Variants in CDKAL1 observed in about 807,000 individuals in gnomAD.
CDKAL1 encodes the protein CDKAL1 threonylcarbamoyladenosine tRNA methylthiotransferase.
In CDKAL1, 32 loss-of-function variants were observed where a neutral mutation model predicts 68.2. The observed-to-expected ratio is 0.47, with a 90% CI of 0.35 to 0.63. The LOEUF (loss-of-function observed/expected upper bound fraction) is 0.63, where lower values mean the gene tolerates loss of function less well. Among genes scored for constraint, CDKAL1 ranks in the 30% least tolerant of loss-of-function variants. The pLI is 0.00. For missense variants in CDKAL1, 606 were observed against 696.7 expected (o/e 0.87, Z 1.47); for synonymous variants, 234 against 244.3 (o/e 0.96, Z 0.39).
At chr6:20,835,794 C>T (rs1452972731) in intron 8 of CDKAL1, among the ~76,000 whole-genome samples, 2 of 152,126 alleles carry the variant, frequency 1.3e-5, no homozygotes, top group East Asian at 3.8e-4. Context: ...AAGTGATCCA[C>T]CTGCCTCGGC....
At chr6:21,017,667 A>C (rs1768419572) in intron 11 of CDKAL1, among the ~76,000 whole-genome samples, 1 of 152,150 alleles carries the variant, frequency 6.6e-6, no homozygotes. Context: ...GGATTGTCTA[A>C]TTCTTTACGG....
At chr6:20,997,167 A>G (rs1384970514) in intron 10 of CDKAL1, among the ~76,000 whole-genome samples, 3 of 152,214 alleles carry the variant, frequency 2.0e-5, no homozygotes, top group African/African-American at 7.2e-5. Context: ...TGTAGCATTC[A>G]GTTCTGGAGA....
chr6:20,735,726 T>C (rs934879592), intron 5 of CDKAL1, among the ~76,000 whole-genome samples: 1 of 152,216 alleles, frequency 6.6e-6, no homozygotes, highest in South Asian at 2.1e-4. Context: ...CCTGAGTTGT[T>C]ATATATTGGC....
chr6:21,177,500 G>C (rs1353989427), intron 13 of CDKAL1, among the ~76,000 whole-genome samples: 1 of 152,024 alleles, frequency 6.6e-6, no homozygotes, highest in Non-Finnish European at 1.5e-5. Flanking sequence ...CAGTTTATGA[G>C]TTTTTTTCCC....
At chr6:20,818,942 G>A (rs1473277505) in intron 8 of CDKAL1, among the ~76,000 whole-genome samples, 1 of 151,928 alleles carries the variant, frequency 6.6e-6, no homozygotes, top group African/African-American at 2.4e-5. Flanking sequence ...GTTATTAACT[G>A]TTATAGGAGT....
chr6:21,113,036 G>A (rs918207798), intron 13 of CDKAL1, among the ~76,000 whole-genome samples: 1 of 152,114 alleles, frequency 6.6e-6, no homozygotes, highest in East Asian at 1.9e-4. Flanking sequence ...CTAGTAAGAA[G>A]TGACAGCATC....
chr6:21,080,761 G>A (rs1201680150), intron 12 of CDKAL1, among the ~76,000 whole-genome samples: 1 of 152,196 alleles, frequency 6.6e-6, no homozygotes, highest in East Asian at 1.9e-4. Context: ...GACCAGATGT[G>A]TACGGCACAA....
At chr6:20,744,604 G>T (rs1409766435) in intron 6 of CDKAL1, among the ~76,000 whole-genome samples, 2 of 152,112 alleles carry the variant, frequency 1.3e-5, no homozygotes, top group Non-Finnish European at 2.9e-5. Context: ...AATTAGTTGG[G>T]AATTTCTCTT....
chr6:21,188,919 T>C (rs1287704824), intron 13 of CDKAL1, among the ~76,000 whole-genome samples: 2 of 152,226 alleles, frequency 1.3e-5, no homozygotes, highest in African/African-American at 4.8e-5. Flanking sequence ...CTTTTTGAAC[T>C]GGCAGTTTAG....
intron 10 of CDKAL1, among the ~76,000 whole-genome samples, chr6:20,999,679 A>G (rs984805195): frequency 2.1e-5 from 3 of 145,566 alleles, no homozygotes; most frequent in Non-Finnish European, 3.0e-5. Flanking sequence ...AAAAAAAAAA[A>G]AAAAAAAAGA....
At chr6:20,758,309 G>A (rs1774315619) in intron 6 of CDKAL1, among the ~76,000 whole-genome samples, 1 of 152,036 alleles carries the variant, frequency 6.6e-6, no homozygotes, top group South Asian at 2.1e-4. Flanking sequence ...CTCAGGATAT[G>A]TTGAGTATAT....
At chr6:20,828,012 T>G (rs1419301854) in intron 8 of CDKAL1, among the ~76,000 whole-genome samples, 2 of 152,174 alleles carry the variant, frequency 1.3e-5, no homozygotes, top group African/African-American at 4.8e-5. Context: ...GCAGCAGATC[T>G]CTTGTTCTGT....
chr6:20,882,935 T>C (rs1179155066), intron 9 of CDKAL1, among the ~76,000 whole-genome samples: 2 of 152,240 alleles, frequency 1.3e-5, no homozygotes, highest in African/African-American at 4.8e-5. Context: ...AAAATTCTTT[T>C]ATTTTTTGAT....
At chr6:21,041,167 T>G (rs925200034) in intron 11 of CDKAL1, among the ~76,000 whole-genome samples, 1 of 152,204 alleles carries the variant, frequency 6.6e-6, no homozygotes, top group African/African-American at 2.4e-5. Flanking sequence ...AGACTGAGAT[T>G]ACTTGCAAGC....
At position 20,546,366 on chromosome 6, in the gene CDKAL1, T is replaced by C. The variant is rs1763603148; in HGVS notation, c.16T>C (p.Cys6Arg). The C allele has an allele frequency of 6.2e-7, 1 of 1,611,998 alleles. No individual in the cohort carries two copies. The highest frequency in any genetic ancestry group is 1.3e-5 in the African/African-American group (1 of 74,866). ...GGTAGAGAATATGCCTTCTGCATCC[T>C]GTGATACACTACTGGATGACATCGA... MPSAS[C>R]DTLLDDIEDI... The change falls in exon 3 of 16, where the codon TGT (cysteine) becomes CGT (arginine). Residue 6 changes from cysteine to arginine, a missense_variant. Transcript: ENST00000274695.
intron 8 of CDKAL1, among the ~76,000 whole-genome samples, chr6:20,843,597 T>G (rs1184488503): frequency 6.6e-6 from 1 of 152,220 alleles, no homozygotes; most frequent in Non-Finnish European, 1.5e-5. Flanking sequence ...TACATAATAT[T>G]TTAAAAATAA....
chr6:20,536,292 T>A (rs767138266), intron 2 of CDKAL1, among the ~76,000 whole-genome samples: 6 of 152,156 alleles, frequency 3.9e-5, no homozygotes, highest in Non-Finnish European at 8.8e-5. Context: ...GCTTTTCATT[T>A]CTTAGCTAAG....
At chr6:21,168,280 C>T (rs919289752) in intron 13 of CDKAL1, among the ~76,000 whole-genome samples, 1 of 152,216 alleles carries the variant, frequency 6.6e-6, no homozygotes, top group Non-Finnish European at 1.5e-5. Context: ...AAGCAGATAA[C>T]ATCCAGGTGC....
intron 7 of CDKAL1, among the ~76,000 whole-genome samples, chr6:20,758,927 A>T (rs1300945169): frequency 1.3e-5 from 2 of 152,112 alleles, no homozygotes; most frequent in Admixed American, 6.5e-5. Flanking sequence ...AGGCTGGAGG[A>T]TTCCTGAGGC....
Sources: allele counts gnomAD v4.1 joint callset (sites outside exome capture counted in the v4.1 genomes callset), GRCh38; gene constraint gnomAD v4.1.1; transcripts MANE v1.5; gene names NCBI Gene and HGNC (gene_info 2026-07-23, HGNC 2026-07-21).